Variants in SLC4A10 observed in about 807,000 individuals in gnomAD.
SLC4A10 encodes sodium-driven chloride bicarbonate exchanger.
Under a neutral mutation model 137.7 loss-of-function variants are expected in SLC4A10, and 42 were observed. That is an observed-to-expected ratio of 0.30 (90% CI 0.24 to 0.39). The LOEUF is 0.39. Among genes scored for constraint, SLC4A10 ranks in the 10% least tolerant of loss-of-function variants. SLC4A10 has a pLI of 1.00. For missense variants in SLC4A10, 925 were observed against 1,355.0 expected (o/e 0.68, Z 4.98); for synonymous variants, 474 against 464.1 (o/e 1.02, Z -0.27).
chr2:161,867,990 C>A (rs1168391400), intron 6 of SLC4A10, among the ~76,000 whole-genome samples: 1 of 151,852 alleles, frequency 6.6e-6, no homozygotes, highest in Non-Finnish European at 1.5e-5. Context: ...TAATGTACCT[C>A]CATGTCTTCA....
In SLC4A10 at chr2:161,771,072, G is replaced by C. The variant is rs1323575683; in HGVS notation, c.130+18G>C. 2 of 1,541,364 alleles carry C rather than the reference G, an allele frequency of 1.3e-6. No homozygotes were observed. Among genetic ancestry groups the C allele is most frequent in the South Asian group, 1.2e-5 (1 of 85,842 alleles). ...TTTAGAAGGTAAGACCATTTTTCTTGGGATAGCTATTGGTGTGCTTTCCAA... is the reference window on the plus strand; with the variant it reads ...TTTAGAAGGTAAGACCATTTTTCTTCGGATAGCTATTGGTGTGCTTTCCAA... On this transcript the variant is annotated intron_variant, in intron 2 of 26. Coordinates refer to ENST00000446997, the MANE Select transcript of SLC4A10 (RefSeq NM_001178015.2).
intron 1 of SLC4A10, chr2:161,651,228 CCCA>C (rs2036748076): frequency 6.6e-6 from 1 of 152,402 alleles, no homozygotes; most frequent in South Asian, 2.1e-4. Flanking sequence ...AAAGGAGCTA[CCCA>C]CTGTGGGTCT....
intron 5 of SLC4A10, among the ~76,000 whole-genome samples, chr2:161,861,487 T>C (rs2060431988): frequency 1.0e-5 from 1 of 97,706 alleles, no homozygotes; most frequent in African/African-American, 3.6e-5. Context: ...CAACCTAACT[T>C]TGATCTTTCT....
At chr2:161,746,563 G>A (rs894865223) in intron 1 of SLC4A10, among the ~76,000 whole-genome samples, 5 of 151,638 alleles carry the variant, frequency 3.3e-5, no homozygotes, top group African/African-American at 7.3e-5. Context: ...TTAGGAGTCA[G>A]CTTCGTGCTT....
chr2:161,707,252 G>T (rs2043773042), intron 1 of SLC4A10, among the ~76,000 whole-genome samples: 1 of 151,402 alleles, frequency 6.6e-6, no homozygotes, highest in Non-Finnish European at 1.5e-5. Flanking sequence ...TTTTCTAAAA[G>T]TATAATTTGG....
rs759166612 is a variant in SLC4A10 at position 161,704,684 on chromosome 2, C to A, written c.49-66289C>A. Among the ~76,000 whole-genome samples the A allele has an allele frequency of 1.0e-3, 156 of 151,616 alleles. 1 individual carries two copies. The highest frequency in any genetic ancestry group is 2.0e-3 in the Non-Finnish European group (132 of 67,688). ...ACCCCACAAATATATTGGGATCTTG[C>A]TTTCCATTTAATATGCTATTATGCT... On this transcript the variant is annotated intron_variant, in intron 1 of 26. Coordinates refer to ENST00000446997, the MANE Select transcript of SLC4A10 (RefSeq NM_001178015.2).
chr2:161,794,765 G>A (rs1040781376), intron 2 of SLC4A10, among the ~76,000 whole-genome samples: 2 of 151,998 alleles, frequency 1.3e-5, no homozygotes, highest in Non-Finnish European at 2.9e-5. Flanking sequence ...TTAATTTGTA[G>A]CATTTTCCAA....
At chr2:161,719,927 T>A (rs1213162770) in intron 1 of SLC4A10, among the ~76,000 whole-genome samples, 1 of 152,244 alleles carries the variant, frequency 6.6e-6, no homozygotes, top group Non-Finnish European at 1.5e-5. Context: ...TTTTGGCTTT[T>A]GTTGCCATTG....
At chr2:161,773,415 G>A (rs2051909149) in intron 2 of SLC4A10, among the ~76,000 whole-genome samples, 1 of 151,686 alleles carries the variant, frequency 6.6e-6, no homozygotes, top group Non-Finnish European at 1.5e-5. Flanking sequence ...GCAATTTAAA[G>A]GAAAAGAACA....
intron 1 of SLC4A10, among the ~76,000 whole-genome samples, chr2:161,627,000 A>G (rs1163657408): frequency 6.6e-6 from 1 of 152,140 alleles, no homozygotes; most frequent in Non-Finnish European, 1.5e-5. Context: ...TATTTGTTAT[A>G]TGATATTGGG....
chr2:161,655,969 A>G (rs1376253910), intron 1 of SLC4A10, among the ~76,000 whole-genome samples: 1 of 151,746 alleles, frequency 6.6e-6, no homozygotes, highest in East Asian at 1.9e-4. Flanking sequence ...GTGTGCTACC[A>G]TGCCTGACTA....
At position 161,807,166 on chromosome 2, in the gene SLC4A10, A is replaced by G. The variant is rs549988529; in HGVS notation, c.277+2571A>G. ...ACAGCACAGGAAAGACCTGCCCCCC[A>G]TGATTCAATTACCTCCCACCAGGTC... On this transcript the variant is annotated intron_variant, in intron 3 of 26. Transcript: ENST00000446997. Among the ~76,000 whole-genome samples the G allele has an allele frequency of 2.1e-4, 32 of 152,266 alleles. No homozygotes were observed. The South Asian group carries it at 5.2e-3, about 25-fold the overall frequency.
chr2:161,781,566 A>G (rs1197085459), intron 2 of SLC4A10, among the ~76,000 whole-genome samples: 1 of 152,030 alleles, frequency 6.6e-6, no homozygotes, highest in African/African-American at 2.4e-5. Context: ...ATAGTACTGA[A>G]AAAAATGTGC....
intron 15 of SLC4A10, among the ~76,000 whole-genome samples, chr2:161,925,944 C>G (rs942012733): frequency 2.0e-5 from 3 of 152,130 alleles, no homozygotes; most frequent in African/African-American, 7.2e-5. Context: ...TGATCTTTTA[C>G]ATTTGCTGAG....
At chr2:161,886,456 C>A (rs2125995221) in intron 10 of SLC4A10, among the ~76,000 whole-genome samples, 1 of 152,210 alleles carries the variant, frequency 6.6e-6, no homozygotes, top group South Asian at 2.1e-4. Context: ...TCTACTAGAT[C>A]CTGAATATTT....
At chr2:161,747,321 T>G (rs1170484231) in intron 1 of SLC4A10, among the ~76,000 whole-genome samples, 1 of 152,132 alleles carries the variant, frequency 6.6e-6, no homozygotes, top group African/African-American at 2.4e-5. Context: ...CTTGTGTTGT[T>G]TTCTGCTGTG....
chr2:161,695,409 A>G (rs2042386943), intron 1 of SLC4A10, among the ~76,000 whole-genome samples: 1 of 151,976 alleles, frequency 6.6e-6, no homozygotes, highest in Admixed American at 6.6e-5. Flanking sequence ...ATTTCATTTT[A>G]TTGAATTTTT....
At chr2:161,816,021 T>C (rs2057024365) in intron 3 of SLC4A10, among the ~76,000 whole-genome samples, 1 of 152,176 alleles carries the variant, frequency 6.6e-6, no homozygotes, top group Non-Finnish European at 1.5e-5. Context: ...GTTTCTCTAG[T>C]ACTAATCTTC....
At chr2:161,909,207 A>C (rs1166585756) in intron 15 of SLC4A10, among the ~76,000 whole-genome samples, 1 of 152,020 alleles carries the variant, frequency 6.6e-6, no homozygotes, top group Non-Finnish European at 1.5e-5. Context: ...CATTGTGTAC[A>C]TGTACCCTAA....
Sources: gnomAD v4.1 joint callset for allele counts (sites outside exome capture counted in the v4.1 genomes callset) on GRCh38, gnomAD v4.1.1 for gene constraint, MANE v1.5 for transcripts, NCBI Gene and HGNC (gene_info 2026-07-23, HGNC 2026-07-21) for gene names.